CACNA1E: variants seen among roughly 807,000 people sequenced by gnomAD.
CACNA1E encodes calcium voltage-gated channel subunit alpha1 E, also known as voltage-dependent R-type calcium channel subunit alpha-1E.
A neutral mutation model predicts 259.2 loss-of-function variants in CACNA1E; 40 were observed. That is an observed-to-expected ratio of 0.15 (90% confidence interval 0.12 to 0.20). The LOEUF (loss-of-function observed/expected upper bound fraction) is 0.20, where lower values mean the gene tolerates loss of function less well. CACNA1E is among the 10% of genes least tolerant of loss of function. The probability of loss-of-function intolerance (pLI) is 1.00; values close to 1 mark genes in which losing one functional copy is unlikely to be tolerated. For synonymous variants in CACNA1E, 1,104 were observed against 1,138.5 expected, an observed-to-expected ratio of 0.97 and a Z score of 0.61; for missense variants, 1,874 against 3,040.1, an observed-to-expected ratio of 0.62 and a Z score of 9.02.
intron 6 of CACNA1E, among the ~76,000 whole-genome samples, chr1:181,646,980 C>T (rs1246933612): frequency 1.4e-5 from 2 of 147,860 alleles, no homozygotes; most frequent in South Asian, 2.3e-4. Flanking sequence ...GTCGTGCACA[C>T]GTGTGCATGT....
At chr1:181,764,119 T>G (rs1425139500) in intron 34 of CACNA1E, among the ~76,000 whole-genome samples, 1 of 152,218 alleles carries the variant, frequency 6.6e-6, no homozygotes, top group Non-Finnish European at 1.5e-5. Flanking sequence ...ATATGATGTG[T>G]TTCCTCTGCA....
chr1:181,718,734 A>C (rs575147100), intron 12 of CACNA1E, among the ~76,000 whole-genome samples: 1 of 152,208 alleles, frequency 6.6e-6, no homozygotes, highest in Non-Finnish European at 1.5e-5. Flanking sequence ...TAGCATGGAT[A>C]TCTAAATGTA....
intron 6 of CACNA1E, among the ~76,000 whole-genome samples, chr1:181,650,477 G>A (rs1658657809): frequency 6.6e-6 from 1 of 152,280 alleles, no homozygotes; most frequent in Non-Finnish European, 1.5e-5. Context: ...GAAAGACTTC[G>A]AGGTGCTGTC....
intron 2 of CACNA1E, among the ~76,000 whole-genome samples, chr1:181,448,352 T>C (rs1306428875): frequency 6.6e-6 from 1 of 152,228 alleles, no homozygotes. Context: ...CCTTGTTTGA[T>C]GATGAGTTAA....
At chr1:181,755,438 A>G in intron 28 of CACNA1E, 41 bp downstream of exon 28, 3 of 1,529,776 alleles carry the variant, frequency 2.0e-6, no homozygotes, top group Middle Eastern at 1.7e-4. Context: ...TTGCTGAAGC[A>G]TGTCCTGATG....
At chr1:181,685,975 G>A (rs916060343) in intron 7 of CACNA1E, among the ~76,000 whole-genome samples, 1 of 152,154 alleles carries the variant, frequency 6.6e-6, no homozygotes, top group South Asian at 2.1e-4. Context: ...GAGTGCTTGG[G>A]CTAGAAAGGC....
chr1:181,369,508 G>C (rs1452013450), intron 1 of CACNA1E, among the ~76,000 whole-genome samples: 3 of 152,350 alleles, frequency 2.0e-5, no homozygotes, highest in African/African-American at 7.2e-5. Flanking sequence ...TAGAATGAAA[G>C]CCATCCTGTA....
At chr1:181,437,649 C>T (rs1282319572) in intron 2 of CACNA1E, among the ~76,000 whole-genome samples, 1 of 152,192 alleles carries the variant, frequency 6.6e-6, no homozygotes, top group Non-Finnish European at 1.5e-5. Context: ...GCATTTGCTT[C>T]TCTGGCTTTT....
intron 6 of CACNA1E, among the ~76,000 whole-genome samples, chr1:181,609,948 A>G (rs1404054799): frequency 6.6e-6 from 1 of 152,168 alleles, no homozygotes; most frequent in Non-Finnish European, 1.5e-5. Context: ...TTAGAGAAGT[A>G]TTGCCAGGAC....
At chr1:181,484,338 A>G (rs917273499) in intron 1 of CACNA1E, among the ~76,000 whole-genome samples, 3 of 151,914 alleles carry the variant, frequency 2.0e-5, no homozygotes, top group South Asian at 2.1e-4. Context: ...CGCCCTCTAC[A>G]TAGATTGGGT....
chr1:181,367,020 C>G (rs1003317097), intron 1 of CACNA1E, among the ~76,000 whole-genome samples: 2 of 152,172 alleles, frequency 1.3e-5, no homozygotes, highest in South Asian at 4.1e-4. Context: ...CCTTCCCTGC[C>G]TAACGTGTCC....
chr1:181,656,764 T>A (rs1163131466), intron 7 of CACNA1E, among the ~76,000 whole-genome samples: 9 of 152,228 alleles, frequency 5.9e-5, no homozygotes, highest in South Asian at 2.1e-4. Flanking sequence ...TACCATTTTT[T>A]AAAATCTTTT....
At chr1:181,564,658 A>G (rs191563883) in intron 3 of CACNA1E, among the ~76,000 whole-genome samples, 25 of 152,344 alleles carry the variant, frequency 1.6e-4, no homozygotes, top group Middle Eastern at 3.4e-3. Context: ...CCTTTCCAGA[A>G]GGTTCCAATT....
chr1:181,325,433 G>T (rs951511184), intron 1 of CACNA1E, among the ~76,000 whole-genome samples: 2 of 152,110 alleles, frequency 1.3e-5, no homozygotes, highest in African/African-American at 4.8e-5. Context: ...CTGTCCCAAG[G>T]TGTGGTTCCC....
At position 181,756,018 on chromosome 1, in the gene CACNA1E, A is replaced by G; in HGVS notation, c.4052A>G (p.His1351Arg). 1.9e-6 allele frequency: 3 copies of G among 1,613,956 alleles called. No homozygotes were observed. The highest frequency in any genetic ancestry group is 2.5e-6 in the Non-Finnish European group (3 of 1,179,860). The change falls in exon 29 of 48, where the codon CAT becomes CGT. Residue 1351 changes from histidine (H) to arginine (R), a missense_variant. Transcript: ENST00000367573. Reference protein sequence around the residue: ...MEVKGREWKRHEFHYDNIIWA... With the variant: ...MEVKGREWKRREFHYDNIIWA... ...GTGAAGGGCCGGGAATGGAAGCGCC[A>G]TGAATTCCACTACGACAACATTATC...
rs971962306 is a variant in CACNA1E, at chr1:181,617,269, T to G, written c.952-34069T>G. Among the ~76,000 whole-genome samples the G allele has an allele frequency of 2.6e-5, 4 of 151,772 alleles. No individual in the cohort carries two copies. In the South Asian group the frequency reaches 6.3e-4, roughly 24 times the overall value. ...CATATCTTTATATTTAAGGTGTATT[T>G]CTTATGAGCAGCATTTTTTTTTTTT... On this transcript the variant is annotated intron_variant, in intron 6 of 47. Transcript: ENST00000367573.
chr1:181,741,999 A>G (rs1263089201), intron 25 of CACNA1E, among the ~76,000 whole-genome samples: 1 of 151,966 alleles, frequency 6.6e-6, no homozygotes, highest in Non-Finnish European at 1.5e-5. Flanking sequence ...ACCCTTCTCC[A>G]TCCATTTTCT....
chr1:181,644,075 C>T (rs1278967797), intron 6 of CACNA1E, among the ~76,000 whole-genome samples: 1 of 152,170 alleles, frequency 6.6e-6, no homozygotes, highest in Non-Finnish European at 1.5e-5. Flanking sequence ...TTCCCCTGCT[C>T]CCCAACCTTT....
intron 32 of CACNA1E, among the ~76,000 whole-genome samples, chr1:181,761,285 CTTTTCT>C (rs1275112946): frequency 6.6e-6 from 1 of 152,120 alleles, no homozygotes; most frequent in Non-Finnish European, 1.5e-5. Context: ...CTCCACATTC[CTTTTCT>C]TTCTTTATTG....
Sources: gnomAD v4.1 joint callset for allele counts (sites outside exome capture counted in the v4.1 genomes callset) on GRCh38, gnomAD v4.1.1 for gene constraint, MANE v1.5 for transcripts, NCBI Gene and HGNC (gene_info 2026-07-23, HGNC 2026-07-21) for gene names.